The following PHKB variants were observed in gnomAD, a reference collection of about 807,000 sequenced individuals.
PHKB encodes phosphorylase kinase regulatory subunit beta, also known as phosphorylase b kinase regulatory subunit beta.
A neutral mutation model predicts 152.1 loss-of-function variants in PHKB; 122 were observed. That is an observed-to-expected ratio of 0.80 (90% CI 0.69 to 0.93). The LOEUF is 0.93. Ranked by LOEUF, PHKB falls within the 40% of genes least tolerant of loss-of-function variation. The pLI, the probability that PHKB is intolerant of heterozygous loss-of-function variation, is 0.00. For synonymous variants in PHKB, 436 were observed against 464.9 expected (o/e 0.94, Z 0.80); for missense variants, 1,304 against 1,328.4 (o/e 0.98, Z 0.29).
In PHKB at chr16:47,663,774, G is replaced by A. The variant is rs753593787; in HGVS notation, c.2336+40G>A. On this transcript the variant is annotated intron_variant, in intron 24 of 30. Transcript: ENST00000323584. ...CCTTGTTGTTATGTTTTATTTTTGTGTTGTTATATTCGATAGCCTAAAGAA... is the reference window on the plus strand; with the variant it reads ...CCTTGTTGTTATGTTTTATTTTTGTATTGTTATATTCGATAGCCTAAAGAA... 3 of 1,168,050 alleles carry A rather than the reference G, an allele frequency of 2.6e-6. No individual in the cohort carries two copies. In the South Asian group the frequency reaches 3.7e-5, roughly 14 times the overall value. The allele number at this position is 1,168,050 out of a possible 1,614,324, so 72.4% of individuals were successfully genotyped here.
At chr16:47,674,307 G>T (rs1210358043) in intron 26 of PHKB, among the ~76,000 whole-genome samples, 1 of 152,132 alleles carries the variant, frequency 6.6e-6, no homozygotes, top group East Asian at 1.9e-4. Flanking sequence ...CAGAGAAAAT[G>T]GGATGATTCT....
At chr16:47,462,796 C>T (rs191579610) in intron 1 of PHKB, 117 of 143,536 alleles carry the variant, frequency 8.2e-4, no homozygotes, top group African/African-American at 2.9e-3. Context: ...AGAAATCATA[C>T]ACCGAACACT....
chr16:47,593,670 A>ATGATGTT, intron 11 of PHKB, 113 bp downstream of exon 11: 1 of 722,296 alleles, frequency 1.4e-6, no homozygotes, highest in Non-Finnish European at 2.5e-6. Flanking sequence ...TCAGCTAGAA[A>ATGATGTT]AATAGACTGC....
intron 6 of PHKB, among the ~76,000 whole-genome samples, chr16:47,539,258 T>C (rs967827625): frequency 2.6e-5 from 4 of 152,196 alleles, no homozygotes; most frequent in Non-Finnish European, 5.9e-5. Flanking sequence ...AATGTACCTG[T>C]AGCTATACAA....
chr16:47,665,213 T>A, intron 25 of PHKB: 1 of 470,372 alleles, frequency 2.1e-6, no homozygotes, highest in Non-Finnish European at 3.8e-6. Flanking sequence ...TATCCTGAAA[T>A]ACATGAAGAT....
intron 22 of PHKB, 137 bp downstream of exon 22, chr16:47,660,956 G>C: frequency 3.6e-6 from 3 of 835,308 alleles, no homozygotes; most frequent in Non-Finnish European, 4.1e-6. Flanking sequence ...TCTACTCCCA[G>C]GGCAATCATG....
At chr16:47,599,259 C>A (rs143258824) in intron 13 of PHKB, among the ~76,000 whole-genome samples, 94 of 152,046 alleles carry the variant, frequency 6.2e-4, no homozygotes, top group Admixed American at 1.5e-3. Context: ...GAATTTTTTT[C>A]TGTGATTCTG....
intron 20 of PHKB, among the ~76,000 whole-genome samples, chr16:47,657,525 A>G (rs1377595924): frequency 6.6e-6 from 1 of 152,194 alleles, no homozygotes; most frequent in Non-Finnish European, 1.5e-5. Flanking sequence ...TTATTTAATT[A>G]CCATCAGAAA....
chr16:47,552,280 C>T (rs1036121950), intron 7 of PHKB, among the ~76,000 whole-genome samples: 12 of 152,054 alleles, frequency 7.9e-5, no homozygotes, highest in Non-Finnish European at 1.6e-4. Flanking sequence ...TTGTTTTGCC[C>T]GTTACTTCAT....
chr16:47,473,695 A>C (rs1156264604), intron 1 of PHKB, among the ~76,000 whole-genome samples: 1 of 152,210 alleles, frequency 6.6e-6, no homozygotes, highest in East Asian at 1.9e-4. Flanking sequence ...CTAAACATTA[A>C]GTGATTTCCA....
At chr16:47,639,138 G>A (rs1317980633) in intron 14 of PHKB, among the ~76,000 whole-genome samples, 2 of 152,122 alleles carry the variant, frequency 1.3e-5, no homozygotes, top group Non-Finnish European at 2.9e-5. Flanking sequence ...GCCAGGTGTG[G>A]TGGTGTGCAC....
At position 47,515,529 on chromosome 16, in the gene PHKB, A is replaced by G; in HGVS notation, c.522A>G (p.Ala174=). 1 of 1,401,268 alleles carries G rather than the reference A, an allele frequency of 7.1e-7. No individual in the cohort carries two copies. Among genetic ancestry groups the G allele is most frequent in the Non-Finnish European group, 1.0e-6 (1 of 986,398 alleles). 86.8% of individuals were successfully genotyped at this position (1,401,268 alleles called of 1,614,324 possible). Residue 174 remains alanine, a synonymous_variant, in exon 6 of 31, where the codon GCA becomes GCG. Transcript: ENST00000323584. ...YEEYGHLQIN[A]VSLYLLYLVE... ...GTTTCTGTTTGTTGCAGATAAATGC[A>G]GTGTCACTTTATCTCCTTTACCTTG...
At chr16:47,471,431 CTG>C (rs773772953) in intron 1 of PHKB, among the ~76,000 whole-genome samples, 2 of 152,110 alleles carry the variant, frequency 1.3e-5, no homozygotes, top group Non-Finnish European at 2.9e-5. Context: ...GATTCTCTGT[CTG>C]TTATGTAAAA....
At chr16:47,554,136 C>T (rs1971323378) in intron 7 of PHKB, among the ~76,000 whole-genome samples, 1 of 152,140 alleles carries the variant, frequency 6.6e-6, no homozygotes, top group African/African-American at 2.4e-5. Flanking sequence ...CTGCCCCTTC[C>T]CTCTGTCCCA....
At chr16:47,622,416 T>C (rs1294934210) in intron 14 of PHKB, among the ~76,000 whole-genome samples, 6 of 152,210 alleles carry the variant, frequency 3.9e-5, no homozygotes, top group African/African-American at 1.4e-4. Flanking sequence ...TGGGAGTGTC[T>C]ACTTTCTTGA....
chr16:47,597,186 GA>G (rs1319021360), intron 13 of PHKB, among the ~76,000 whole-genome samples: 2 of 152,126 alleles, frequency 1.3e-5, no homozygotes, highest in Non-Finnish European at 2.9e-5. Context: ...TTTAGAGTCA[GA>G]ATTCCTTTAT....
chr16:47,667,161 G>A (rs1023241342), intron 25 of PHKB, among the ~76,000 whole-genome samples: 1 of 152,088 alleles, frequency 6.6e-6, no homozygotes, highest in Non-Finnish European at 1.5e-5. Flanking sequence ...TGCTGGGCAT[G>A]GTGGCTCACA....
At chr16:47,496,313 T>G (rs1183698546) in intron 1 of PHKB, among the ~76,000 whole-genome samples, 1 of 151,698 alleles carries the variant, frequency 6.6e-6, no homozygotes, top group Non-Finnish European at 1.5e-5. Context: ...ATAATGAGAC[T>G]GTTGCCTGAA....
At chr16:47,639,385 G>A (rs1214551138) in intron 14 of PHKB, among the ~76,000 whole-genome samples, 1 of 152,198 alleles carries the variant, frequency 6.6e-6, no homozygotes, top group Non-Finnish European at 1.5e-5. Flanking sequence ...AGAGTTTTAC[G>A]AGTGGGGCTG....
Sources: allele counts gnomAD v4.1 joint callset (sites outside exome capture counted in the v4.1 genomes callset), GRCh38; gene constraint gnomAD v4.1.1; transcripts MANE v1.5; gene names NCBI Gene and HGNC (gene_info 2026-07-23, HGNC 2026-07-21).